The following L3MBTL4 variants were observed in gnomAD, a reference collection of about 807,000 sequenced individuals.
L3MBTL4 encodes L3MBTL histone methyl-lysine binding protein 4, also known as lethal(3)malignant brain tumor-like protein 4.
Under a neutral mutation model 84.5 loss-of-function variants are expected in L3MBTL4, and 70 were observed. That is an observed-to-expected ratio of 0.83 (90% CI 0.68 to 1.01). The LOEUF (loss-of-function observed/expected upper bound fraction) is 1.01. Ranked by LOEUF, L3MBTL4 falls within the 50% of genes least tolerant of loss-of-function variation. The pLI, the probability that L3MBTL4 is intolerant of heterozygous loss-of-function variation, is 0.00. For missense variants in L3MBTL4, 715 were observed against 754.8 expected (o/e 0.95, Z 0.62); for synonymous variants, 274 against 259.8 (o/e 1.05, Z -0.52).
chr18:6,165,287 T>C (rs575283575), intron 13 of L3MBTL4, among the ~76,000 whole-genome samples: 1 of 152,176 alleles, frequency 6.6e-6, no homozygotes, highest in Non-Finnish European at 1.5e-5. Context: ...ACTTCCCCAA[T>C]CTAGCAAGGC....
At chr18:6,331,785 C>A (rs2052046849) in intron 1 of L3MBTL4, among the ~76,000 whole-genome samples, 1 of 151,880 alleles carries the variant, frequency 6.6e-6, no homozygotes, top group Non-Finnish European at 1.5e-5. Context: ...GTAGGTATGT[C>A]AAATAAGTTT....
At chr18:6,259,390 A>C (rs2048298929) in intron 5 of L3MBTL4, 1 of 151,968 alleles carries the variant, frequency 6.6e-6, no homozygotes, top group Admixed American at 6.6e-5. Context: ...TTGTTTTTTG[A>C]CTTTATAATA....
At chr18:6,344,245 C>A (rs532813493) in intron 1 of L3MBTL4, among the ~76,000 whole-genome samples, 1 of 151,924 alleles carries the variant, frequency 6.6e-6, no homozygotes, top group Non-Finnish European at 1.5e-5. Flanking sequence ...CAAATTTAAG[C>A]GATCATAACA....
At chr18:6,129,231 A>G (rs923014938) in intron 14 of L3MBTL4, among the ~76,000 whole-genome samples, 1 of 152,190 alleles carries the variant, frequency 6.6e-6, no homozygotes, top group Non-Finnish European at 1.5e-5. Flanking sequence ...GGGTGTCTTA[A>G]GTCTCAGAAT....
At chr18:6,216,259 T>C (rs1482562503) in intron 10 of L3MBTL4, among the ~76,000 whole-genome samples, 9 of 152,224 alleles carry the variant, frequency 5.9e-5, no homozygotes, top group Non-Finnish European at 8.8e-5. Flanking sequence ...CTCTAATCAT[T>C]CTATATCTAT....
intron 16 of L3MBTL4, chr18:6,031,770 A>C: frequency 1.0e-6 from 1 of 984,382 alleles, no homozygotes; most frequent in Non-Finnish European, 1.2e-6. Flanking sequence ...CTGTGTGCCT[A>C]TCTGCAGTCA....
At chr18:6,040,735 T>C (rs1460592689) in intron 16 of L3MBTL4, among the ~76,000 whole-genome samples, 1 of 152,116 alleles carries the variant, frequency 6.6e-6, no homozygotes, top group Non-Finnish European at 1.5e-5. Context: ...ACATTAGTCC[T>C]AGTCTGAGAA....
chr18:6,044,711 A>G (rs529411770), intron 16 of L3MBTL4, among the ~76,000 whole-genome samples: 34 of 152,330 alleles, frequency 2.2e-4, no homozygotes, highest in African/African-American at 8.2e-4. Context: ...AATATGAGTC[A>G]TCTTGGAGAG....
intron 7 of L3MBTL4, among the ~76,000 whole-genome samples, chr18:6,242,545 A>G (rs1466994958): frequency 6.6e-6 from 1 of 152,134 alleles, no homozygotes; most frequent in African/African-American, 2.4e-5. Context: ...CAAACCAGCA[A>G]CCTCAAGGAC....
At chr18:5,969,133 C>A (rs926037418) in intron 17 of L3MBTL4, among the ~76,000 whole-genome samples, 4 of 152,296 alleles carry the variant, frequency 2.6e-5, no homozygotes, top group Non-Finnish European at 2.9e-5. Context: ...GCTGATAGCT[C>A]TGGGCCTCGG....
intron 16 of L3MBTL4, among the ~76,000 whole-genome samples, chr18:6,050,202 G>T (rs764632877): frequency 4.6e-5 from 7 of 152,096 alleles, no homozygotes; most frequent in African/African-American, 9.7e-5. Flanking sequence ...TCAAAAGATG[G>T]ATGCAAAGTT....
At chr18:6,053,962 A>C (rs1598579310) in intron 16 of L3MBTL4, among the ~76,000 whole-genome samples, 2 of 152,224 alleles carry the variant, frequency 1.3e-5, no homozygotes, top group South Asian at 4.1e-4. Flanking sequence ...AGAATGTATA[A>C]AAGACATTTT....
chr18:6,250,640 G>A (rs577026277), intron 5 of L3MBTL4, among the ~76,000 whole-genome samples: 1 of 152,234 alleles, frequency 6.6e-6, no homozygotes, highest in East Asian at 1.9e-4. Flanking sequence ...AGAGAGGTGG[G>A]GGAAATTGGG....
At chr18:6,091,754 C>G (rs527422848) in intron 15 of L3MBTL4, among the ~76,000 whole-genome samples, 1 of 152,130 alleles carries the variant, frequency 6.6e-6, no homozygotes, top group Non-Finnish European at 1.5e-5. Flanking sequence ...AGATCTGTTT[C>G]ATTTCTGTGA....
chr18:6,165,261 G>T (rs1429236764), intron 13 of L3MBTL4, among the ~76,000 whole-genome samples: 1 of 152,174 alleles, frequency 6.6e-6, no homozygotes, highest in African/African-American at 2.4e-5. Flanking sequence ...CACTCTGCAG[G>T]ATATTATCCA....
chr18:5,975,737 A>G (rs1487146767), intron 16 of L3MBTL4, among the ~76,000 whole-genome samples: 2 of 152,228 alleles, frequency 1.3e-5, no homozygotes, highest in Non-Finnish European at 1.5e-5. Context: ...CATGATGTGC[A>G]GGACAACTGT....
chr18:6,196,389 C>A (rs2045395908), intron 12 of L3MBTL4, among the ~76,000 whole-genome samples: 1 of 152,100 alleles, frequency 6.6e-6, no homozygotes, highest in Non-Finnish European at 1.5e-5. Context: ...GATCTCCTGA[C>A]CTCATGATCT....
At chr18:6,219,443 T>C (rs1599202518) in intron 10 of L3MBTL4, among the ~76,000 whole-genome samples, 1 of 147,082 alleles carries the variant, frequency 6.8e-6, no homozygotes, top group South Asian at 2.2e-4. Context: ...AGTTAAAAAC[T>C]TGCATGCTTT....
chr18:6,112,180 C>T (rs2059216578), intron 14 of L3MBTL4, among the ~76,000 whole-genome samples: 1 of 152,202 alleles, frequency 6.6e-6, no homozygotes, highest in Non-Finnish European at 1.5e-5. Flanking sequence ...CACACACACG[C>T]ACACACATCA....
Sources: gnomAD v4.1 joint callset for allele counts (sites outside exome capture counted in the v4.1 genomes callset) on GRCh38, gnomAD v4.1.1 for gene constraint, MANE v1.5 for transcripts, NCBI Gene and HGNC (gene_info 2026-07-23, HGNC 2026-07-21) for gene names.